ROBO2: variants seen among roughly 807,000 people sequenced by gnomAD.
ROBO2 encodes roundabout guidance receptor 2, also known as roundabout homolog 2.
Under a neutral mutation model 160.8 loss-of-function variants are expected in ROBO2, and 53 were observed. The observed-to-expected ratio is 0.33, with a 90% CI of 0.26 to 0.41. ROBO2 has a LOEUF of 0.41. ROBO2 is among the 10% of genes least tolerant of loss of function. The pLI is 1.00. For synonymous variants in ROBO2, 664 were observed against 611.7 expected (o/e 1.09, Z -1.26); for missense variants, 1,577 against 1,722.4 (o/e 0.92, Z 1.49).
At chr3:76,220,198 G>T (rs1703867493) in intron 2 of ROBO2, among the ~76,000 whole-genome samples, 1 of 126,242 alleles carries the variant, frequency 7.9e-6, no homozygotes, top group Admixed American at 8.3e-5. Context: ...GAGGGGGGAG[G>T]GATAGCATTA....
At chr3:77,495,755 A>G (rs2086706278) in intron 5 of ROBO2, among the ~76,000 whole-genome samples, 1 of 152,192 alleles carries the variant, frequency 6.6e-6, no homozygotes, top group Non-Finnish European at 1.5e-5. Context: ...ATATCCATAT[A>G]ACAGCACTGG....
chr3:76,203,730 A>G (rs529099589), intron 2 of ROBO2, among the ~76,000 whole-genome samples: 300 of 120,364 alleles, frequency 2.5e-3, no homozygotes, highest in South Asian at 5.6e-3. Context: ...GGCTTCCCCC[A>G]TAATTTCTTC....
At chr3:76,490,411 CTGTT>C (rs1267381462) in intron 2 of ROBO2, among the ~76,000 whole-genome samples, 6 of 152,182 alleles carry the variant, frequency 3.9e-5, no homozygotes, top group African/African-American at 9.6e-5. Flanking sequence ...TTTTACAAAT[CTGTT>C]TGGTTTCCTA....
intron 13 of ROBO2, among the ~76,000 whole-genome samples, chr3:77,573,634 T>G (rs1227936962): frequency 6.6e-6 from 1 of 152,026 alleles, no homozygotes; most frequent in Non-Finnish European, 1.5e-5. Flanking sequence ...GCTCTACAAC[T>G]TTAATCTGTA....
intron 16 of ROBO2, among the ~76,000 whole-genome samples, chr3:77,581,616 G>A (rs2093921178): frequency 6.6e-6 from 1 of 152,004 alleles, no homozygotes; most frequent in African/African-American, 2.4e-5. Flanking sequence ...TTCCCCTGAG[G>A]CCAGAGCCTC....
chr3:75,993,972 T>G (rs1243775305), intron 2 of ROBO2, among the ~76,000 whole-genome samples: 1 of 152,240 alleles, frequency 6.6e-6, no homozygotes, highest in African/African-American at 2.4e-5. Context: ...AGGTTGCTTT[T>G]TTCATTCTAT....
intron 2 of ROBO2, among the ~76,000 whole-genome samples, chr3:76,597,361 G>A (rs1213674079): frequency 6.6e-6 from 1 of 151,906 alleles, no homozygotes; most frequent in Non-Finnish European, 1.5e-5. Flanking sequence ...ACACATATCT[G>A]ACAAAGGACT....
intron 2 of ROBO2, among the ~76,000 whole-genome samples, chr3:76,796,491 G>T (rs1393730119): frequency 7.8e-6 from 1 of 128,356 alleles, no homozygotes; most frequent in African/African-American, 3.5e-5. Context: ...AGGGAAGGAA[G>T]GAAGGAAGGA....
chr3:75,924,156 G>C (rs913084369), intron 1 of ROBO2, among the ~76,000 whole-genome samples: 1 of 152,052 alleles, frequency 6.6e-6, no homozygotes, highest in Non-Finnish European at 1.5e-5. Context: ...ACCCTTAATA[G>C]GATGACCTTT....
At chr3:77,341,401 T>C (rs924793475) in intron 2 of ROBO2, among the ~76,000 whole-genome samples, 3 of 152,134 alleles carry the variant, frequency 2.0e-5, no homozygotes, top group Non-Finnish European at 1.5e-5. Flanking sequence ...TTTCCTGAAA[T>C]AGTCTTTTAC....
intron 2 of ROBO2, among the ~76,000 whole-genome samples, chr3:76,712,387 C>G (rs1576167760): frequency 6.6e-6 from 1 of 152,026 alleles, no homozygotes; most frequent in Non-Finnish European, 1.5e-5. Flanking sequence ...AGTATCTCTG[C>G]TTTTAGGCCA....
intron 2 of ROBO2, among the ~76,000 whole-genome samples, chr3:77,412,313 A>G (rs946874743): frequency 1.3e-5 from 2 of 152,186 alleles, no homozygotes; most frequent in Admixed American, 1.3e-4. Context: ...CATGCTGGAA[A>G]ACTCCAAGTA....
At chr3:77,242,002 T>C (rs2089116380) in intron 2 of ROBO2, among the ~76,000 whole-genome samples, 1 of 152,176 alleles carries the variant, frequency 6.6e-6, no homozygotes, top group Admixed American at 6.5e-5. Flanking sequence ...TTTGTAGACA[T>C]TTTGCTAATA....
At chr3:77,606,520 T>C (rs1161925813) in intron 20 of ROBO2, among the ~76,000 whole-genome samples, 2 of 152,190 alleles carry the variant, frequency 1.3e-5, no homozygotes, top group Non-Finnish European at 2.9e-5. Context: ...AAGCAATTTG[T>C]GTGCAGGGAT....
chr3:76,401,131 A>G (rs960213657), intron 2 of ROBO2, among the ~76,000 whole-genome samples: 1 of 151,574 alleles, frequency 6.6e-6, no homozygotes, highest in Admixed American at 6.6e-5. Flanking sequence ...GGTGGAACAT[A>G]TGCTCCTATA....
chr3:77,454,034 C>T (rs1326051970), intron 2 of ROBO2, among the ~76,000 whole-genome samples: 1 of 151,998 alleles, frequency 6.6e-6, no homozygotes, highest in Non-Finnish European at 1.5e-5. Context: ...TTGGACCAGA[C>T]ACCCTCATTA....
intron 2 of ROBO2, among the ~76,000 whole-genome samples, chr3:76,359,014 C>T (rs1252188066): frequency 6.8e-6 from 1 of 146,564 alleles, no homozygotes; most frequent in Non-Finnish European, 1.5e-5. Context: ...TGAGTGAGAA[C>T]ACGCGGTGTT....
chr3:76,371,931 T>A (rs3849478), intron 2 of ROBO2, among the ~76,000 whole-genome samples: 47,577 of 151,714 alleles, frequency 0.31, 11,516 homozygotes, highest in African/African-American at 0.65. Context: ...TGGAATGTCT[T>A]TTATAAGAGA....
At chr3:77,444,746 GTTTATCCCAGGCT>G (rs1189162450) in intron 2 of ROBO2, among the ~76,000 whole-genome samples, 3 of 152,046 alleles carry the variant, frequency 2.0e-5, no homozygotes. Flanking sequence ...GAACACATCT[GTTTATCCCAGGCT>G]TTGGGAGTTT....
Sources: allele counts gnomAD v4.1 joint callset (sites outside exome capture counted in the v4.1 genomes callset), GRCh38; gene constraint gnomAD v4.1.1; transcripts MANE v1.5; gene names NCBI Gene and HGNC (gene_info 2026-07-23, HGNC 2026-07-21).